HDAC4: variants seen among roughly 807,000 people sequenced by gnomAD.
The protein encoded by HDAC4 is histone deacetylase 4.
Under a neutral mutation model 135.1 loss-of-function variants are expected in HDAC4, and 16 were observed. The ratio of observed to expected loss-of-function variants is 0.12; its 90% confidence interval spans 0.08 to 0.18. The LOEUF (loss-of-function observed/expected upper bound fraction) is 0.18. HDAC4 is among the 10% of genes least tolerant of loss of function. HDAC4 has a pLI of 1.00. For synonymous variants in HDAC4, 685 were observed against 653.4 expected, an observed-to-expected ratio of 1.05 and a Z score of -0.74; for missense variants, 1,143 against 1,511.8, an observed-to-expected ratio of 0.76 and a Z score of 4.05.
At chr2:239,398,865 C>T (rs1696742604) in intron 1 of HDAC4, among the ~76,000 whole-genome samples, 1 of 152,236 alleles carries the variant, frequency 6.6e-6, no homozygotes, top group African/African-American at 2.4e-5. Context: ...TGCCAGCTCC[C>T]CTTGCAGGAG....
At chr2:239,122,451 G>A (rs2039775649) in intron 12 of HDAC4, among the ~76,000 whole-genome samples, 1 of 152,234 alleles carries the variant, frequency 6.6e-6, no homozygotes, top group Non-Finnish European at 1.5e-5. Context: ...CACCTGCAGA[G>A]TTCCAAGGTC....
chr2:239,163,041 T>C (rs2042909479), intron 6 of HDAC4, among the ~76,000 whole-genome samples: 1 of 152,134 alleles, frequency 6.6e-6, no homozygotes, highest in African/African-American at 2.4e-5. Context: ...GCTCACTGTT[T>C]CAAGCCGCAT....
At chr2:239,168,670 C>T (rs955877636) in intron 5 of HDAC4, among the ~76,000 whole-genome samples, 1 of 152,210 alleles carries the variant, frequency 6.6e-6, no homozygotes, top group Non-Finnish European at 1.5e-5. Context: ...GCTCCTCCAG[C>T]CTGCACAGAC....
intron 22 of HDAC4, among the ~76,000 whole-genome samples, chr2:239,076,816 C>G (rs1242888346): frequency 1.3e-5 from 2 of 152,220 alleles, no homozygotes; most frequent in African/African-American, 2.4e-5. Context: ...TGAAAACAGA[C>G]TGAAGCAAAA....
At chr2:239,107,208 C>G (rs1283748652) in intron 15 of HDAC4, among the ~76,000 whole-genome samples, 1 of 152,230 alleles carries the variant, frequency 6.6e-6, no homozygotes, top group Non-Finnish European at 1.5e-5. Context: ...CTGGGACAGC[C>G]TCACCAAAGT....
chr2:239,133,443 C>T (rs959748632), intron 11 of HDAC4, among the ~76,000 whole-genome samples: 9 of 152,196 alleles, frequency 5.9e-5, no homozygotes, highest in East Asian at 1.9e-4. Context: ...ATGACCCGCA[C>T]GGCAAGGGGG....
In HDAC4 at chr2:239,352,811, TGAGGGCTGGGTCACA is replaced by T. The variant is rs1378078501; in HGVS notation, c.-127_-113del. On this transcript the variant is annotated 5_prime_UTR_variant, in exon 2 of 27. An upstream open reading frame in the 5' UTR loses its in-frame stop. Coordinates refer to ENST00000543185, the MANE Select transcript of HDAC4 (RefSeq NM_001378414.1). The surrounding 1 kb of genome is among the most constrained non-coding windows in gnomAD (Gnocchi z 4.4). The stretch of plus-strand genomic sequence containing the variant: ...CCAACACATACAAGTACCGGGACGG[TGAGGGCTGGGTCACA>T]GACGTTCAAGCGCCGAGCCTCGCCG... 2.7e-6 allele frequency: 3 copies of T among 1,104,050 alleles called. No homozygotes were observed. In the African/African-American group the frequency reaches 4.7e-5, roughly 17 times the overall value. The allele number at this position is 1,104,050 out of a possible 1,614,324, so 68.4% of individuals were successfully genotyped here.
intron 1 of HDAC4, among the ~76,000 whole-genome samples, chr2:239,385,141 C>T (rs970385142): frequency 1.3e-5 from 2 of 152,220 alleles, no homozygotes; most frequent in African/African-American, 4.8e-5. Context: ...CTGGCACAAT[C>T]GGAGGCCCAT....
Position 239,400,780 on chromosome 2 carries a change from G to C in HDAC4, c.-220+198C>G, listed in dbSNP as rs1449033579. ...CTGCGCCGCCACCCGCCGGCGCGCG[G>C]GCTCGGGCTCGGGCGGCGACAGCCG... On this transcript the variant is annotated intron_variant, in intron 1 of 26. Transcript: ENST00000543185. This position sits in a 1 kb window ranked among gnomAD's most constrained non-coding sequence, Gnocchi z 4.7. The C allele has an allele frequency of 6.9e-6, 1 of 145,938 alleles. No homozygotes were observed. Among genetic ancestry groups the C allele is most frequent in the Non-Finnish European group, 1.5e-5 (1 of 65,582 alleles). 9.0% of individuals were successfully genotyped at this position (145,938 alleles called of 1,614,324 possible).
intron 4 of HDAC4, among the ~76,000 whole-genome samples, chr2:239,179,245 C>T (rs1011430309): frequency 1.3e-5 from 2 of 152,244 alleles, no homozygotes; most frequent in African/African-American, 4.8e-5. Context: ...GTCACACTGT[C>T]GTCCCTGTGT....
intron 2 of HDAC4, among the ~76,000 whole-genome samples, chr2:239,322,240 C>T (rs1268304993): frequency 6.6e-6 from 1 of 152,226 alleles, no homozygotes; most frequent in Non-Finnish European, 1.5e-5. Context: ...GAAGTGAAGG[C>T]CCCCTGTCTC....
At chr2:239,242,549 A>G (rs1483074039) in intron 2 of HDAC4, among the ~76,000 whole-genome samples, 2 of 152,212 alleles carry the variant, frequency 1.3e-5, no homozygotes, top group Non-Finnish European at 2.9e-5. Context: ...TTCTGTAGTT[A>G]TCGTGTATTT....
intron 13 of HDAC4, among the ~76,000 whole-genome samples, chr2:239,113,944 G>A (rs2038906277): frequency 6.6e-6 from 1 of 152,176 alleles, no homozygotes; most frequent in Non-Finnish European, 1.5e-5. Flanking sequence ...GAACAAGAAG[G>A]AGAAATAGCA....
rs1371083805 is a variant in HDAC4 at position 239,139,995 on chromosome 2, G to A, written c.866-199C>T. 6.6e-6 allele frequency among the ~76,000 whole-genome samples: 1 copy of A among 152,230 alleles called. No homozygotes were observed. Among genetic ancestry groups the A allele is most frequent in the Non-Finnish European group, 1.5e-5 (1 of 68,034 alleles). On this transcript the variant is annotated intron_variant, in intron 8 of 26. Coordinates refer to ENST00000543185, the MANE Select transcript of HDAC4 (RefSeq NM_001378414.1). This position sits in a 1 kb window ranked among gnomAD's most constrained non-coding sequence, Gnocchi z 5.3. ...TTTCTGATTTTCCAGTTTTGCCACT[G>A]ACTTCACTTTTTCTAGGACATGTAC...
At chr2:239,143,260 T>A (rs200791560) in intron 8 of HDAC4, among the ~76,000 whole-genome samples, 1 of 149,988 alleles carries the variant, frequency 6.7e-6, no homozygotes, top group Admixed American at 6.6e-5. Context: ...CTGCACACTT[T>A]AAAAAAAAAA....
In HDAC4 at chr2:239,399,746, G is replaced by C. The variant is rs186448532; in HGVS notation, c.-220+1232C>G. 6.6e-5 allele frequency among the ~76,000 whole-genome samples: 10 copies of C among 152,264 alleles called. No homozygotes were observed. In the East Asian group the frequency reaches 1.7e-3, roughly 27 times the overall value. ...CTGCACAGGCCCTTTCCTCCCTCAC[G>C]GAGAGCAAGCAGAACTGCTCTCAGC... On this transcript the variant is annotated intron_variant, in intron 1 of 26. Transcript: ENST00000543185.
intron 3 of HDAC4, among the ~76,000 whole-genome samples, chr2:239,192,401 T>C (rs2045047720): frequency 6.6e-6 from 1 of 152,236 alleles, no homozygotes; most frequent in South Asian, 2.1e-4. Context: ...AAAAACTGCG[T>C]AAGCAATGCT....
In HDAC4 at chr2:239,051,796, G is replaced by A. The variant is rs139462269; in HGVS notation, c.*1301C>T. The A allele has an allele frequency of 3.1e-3, 478 of 152,298 alleles. 3 individuals carry two copies. The highest frequency in any genetic ancestry group is 0.011 in the African/African-American group (465 of 41,484). 9.4% of individuals were successfully genotyped at this position (152,298 alleles called of 1,614,324 possible). A position where few individuals can be genotyped will look rare whatever the true frequency, so the allele number is the denominator to read the frequency against. ...ATCCCTTTCCATAAGCACCTTGAGA[G>A]CAAATTCACAAGCCATCCATTTGCA... On this transcript the variant is annotated 3_prime_UTR_variant, in exon 27 of 27. Transcript: ENST00000543185.
At chr2:239,182,178 T>C (rs2044193977) in intron 4 of HDAC4, among the ~76,000 whole-genome samples, 1 of 152,166 alleles carries the variant, frequency 6.6e-6, no homozygotes, top group Non-Finnish European at 1.5e-5. Flanking sequence ...GGTTAACCTA[T>C]AAACATACAA....
Sources: gnomAD v4.1 joint callset for allele counts (sites outside exome capture counted in the v4.1 genomes callset) on GRCh38, gnomAD v4.1.1 for gene constraint, Gnocchi (gnomAD v3.1) non-coding constraint, MANE v1.5 for transcripts, NCBI Gene and HGNC (gene_info 2026-07-23, HGNC 2026-07-21) for gene names.